Variants in AK3 observed in about 807,000 individuals in gnomAD.
AK3 encodes adenylate kinase 3, also known as GTP:AMP phosphotransferase AK3, mitochondrial.
A neutral mutation model predicts 23.7 loss-of-function variants in AK3; 27 were observed. That is an observed-to-expected ratio of 1.14 (90% confidence interval 0.84 to 1.57). The LOEUF (loss-of-function observed/expected upper bound fraction) is 1.57, where lower values mean the gene tolerates loss of function less well. Among genes scored for constraint, AK3 ranks in the 40% most tolerant of loss-of-function variants. AK3 has a pLI of 0.00. For missense variants in AK3, 406 were observed against 285.6 expected, an observed-to-expected ratio of 1.42 and a Z score of -3.04; for synonymous variants, 159 against 116.0, an observed-to-expected ratio of 1.37 and a Z score of -2.38.
At chr9:4,740,662 A>T (rs74676323) in intron 1 of AK3, among the ~76,000 whole-genome samples, 1,889 of 152,230 alleles carry the variant, frequency 0.012, 54 homozygotes, top group African/African-American at 0.043. Flanking sequence ...CCTCTGAAAC[A>T]AAGCCCGGTG....
intron 1 of AK3, among the ~76,000 whole-genome samples, chr9:4,732,037 C>G (rs1424267851): frequency 1.3e-5 from 2 of 152,164 alleles, no homozygotes; most frequent in Admixed American, 1.3e-4. Flanking sequence ...GCAGCCTCGA[C>G]GTGCTGGGTC....
intron 1 of AK3, among the ~76,000 whole-genome samples, chr9:4,732,669 T>C (rs1295456325): frequency 6.6e-6 from 1 of 152,178 alleles, no homozygotes; most frequent in Non-Finnish European, 1.5e-5. Context: ...TCCTAAAACA[T>C]GGAGACATTA....
In AK3 at chr9:4,711,476, G is replaced by A. The variant is rs923341070; in HGVS notation, c.*1500C>T. 2 of 152,460 alleles carry A rather than the reference G, an allele frequency of 1.3e-5. No individual in the cohort carries two copies. The highest frequency in any genetic ancestry group is 6.6e-5 in the Admixed American group (1 of 15,264). 9.4% of individuals were successfully genotyped at this position (152,460 alleles called of 1,614,324 possible). On this transcript the variant is annotated 3_prime_UTR_variant, in exon 5 of 5. Transcript: ENST00000381809. ...AAACCTTGGTTCATCTTGAAAGATC[G>A]ATGAATTTTTTAAATATCAGAAGAA... is the stretch of plus-strand genomic sequence containing the variant.
intron 1 of AK3, among the ~76,000 whole-genome samples, chr9:4,739,781 A>G (rs1842381428): frequency 6.6e-6 from 1 of 152,090 alleles, no homozygotes; most frequent in African/African-American, 2.4e-5. Flanking sequence ...AATACAAAAA[A>G]TTAGCCCGGC....
chr9:4,723,396 A>G (rs955048452), intron 1 of AK3, among the ~76,000 whole-genome samples: 5 of 152,176 alleles, frequency 3.3e-5, no homozygotes, highest in Non-Finnish European at 5.9e-5. Flanking sequence ...ATCCTGTAAA[A>G]CAGGTGCTGC....
chr9:4,739,730 G>C, intron 1 of AK3, among the ~76,000 whole-genome samples: 1 of 152,030 alleles, frequency 6.6e-6, no homozygotes, highest in Non-Finnish European at 1.5e-5. Context: ...AGGAGATGGG[G>C]ACCAGCCTGG....
upstream of AK3, chr9:4,741,381 G>T (rs887003499): frequency 1.3e-5 from 4 of 306,022 alleles, no homozygotes; most frequent in African/African-American, 2.2e-5. Flanking sequence ...GCGCTCGCTC[G>T]GCCGCCCAGC....
intron 1 of AK3, among the ~76,000 whole-genome samples, chr9:4,734,838 A>G (rs561598343): frequency 6.6e-6 from 1 of 152,346 alleles, no homozygotes; most frequent in South Asian, 2.1e-4. Flanking sequence ...ATGAAGTAGT[A>G]AACATGCTAT....
At chr9:4,732,185 G>C (rs978432370) in intron 1 of AK3, among the ~76,000 whole-genome samples, 1 of 152,276 alleles carries the variant, frequency 6.6e-6, no homozygotes, top group African/African-American at 2.4e-5. Flanking sequence ...CTGGGCTTAA[G>C]TGATCCTCCC....
chr9:4,728,903 T>TTA (rs1288944035), intron 1 of AK3, among the ~76,000 whole-genome samples: 2 of 131,476 alleles, frequency 1.5e-5, no homozygotes, highest in South Asian at 4.7e-4. Context: ...ATACACATAC[T>TTA]TATATATATA....
Position 4,740,955 on chromosome 9 carries a change from T to C in AK3, c.133A>G (p.Asn45Asp). The change falls in exon 1 of 5, where the codon AAC (asparagine) becomes GAC (aspartate). Residue 45 changes from asparagine to aspartate, a missense_variant. By Grantham distance (23) the Asn-to-Asp change is conservative (BLOSUM62 1). Coordinates refer to ENST00000381809, the MANE Select transcript of AK3 (RefSeq NM_016282.4). Reference protein sequence around the residue: ...HLSSGDLLRDNMLRGTEIGVL... With the variant: ...HLSSGDLLRDDMLRGTEIGVL... Reference sequence around the variant, plus strand: ...CTCCCACCTGTGCCCCGCAGCATGTTGTCCCGGAGCAGGTCCCCGCTGGAG... The same window carrying C: ...CTCCCACCTGTGCCCCGCAGCATGTCGTCCCGGAGCAGGTCCCCGCTGGAG... The C allele has an allele frequency of 6.3e-7, 1 of 1,574,842 alleles. No homozygotes were observed. Among genetic ancestry groups the C allele is most frequent in the Non-Finnish European group, 8.6e-7 (1 of 1,162,866 alleles).
At chr9:4,737,487 A>G (rs1057502344) in intron 1 of AK3, among the ~76,000 whole-genome samples, 4 of 152,318 alleles carry the variant, frequency 2.6e-5, no homozygotes, top group Admixed American at 1.3e-4. Flanking sequence ...CTGAGAGGCC[A>G]AGGCGGTTGG....
At chr9:4,725,309 G>T (rs1019108958) in intron 1 of AK3, among the ~76,000 whole-genome samples, 1 of 151,630 alleles carries the variant, frequency 6.6e-6, no homozygotes, top group Non-Finnish European at 1.5e-5. Flanking sequence ...GAGCCACTGC[G>T]TCCAGCCTAA....
At position 4,710,399 on chromosome 9, in the gene AK3, T is replaced by G. The variant is rs1841526595; in HGVS notation, c.*2577A>C. 1 of 146,300 alleles carries G rather than the reference T, an allele frequency of 6.8e-6. No homozygotes were observed. Among genetic ancestry groups the G allele is most frequent in the Non-Finnish European group, 1.5e-5 (1 of 65,534 alleles). The allele number at this position is 146,300 out of a possible 1,614,324, so 9.1% of individuals were successfully genotyped here. On this transcript the variant is annotated 3_prime_UTR_variant, in exon 5 of 5. Transcript: ENST00000381809. ...ATTTTTTTTTTTTTTTTTTGTATTT[T>G]TAGTAGAGACGGGGTTTCACCGTGT...
intron 1 of AK3, among the ~76,000 whole-genome samples, chr9:4,729,753 G>C (rs1842111184): frequency 2.0e-5 from 3 of 151,600 alleles, no homozygotes; most frequent in African/African-American, 7.3e-5. Flanking sequence ...CTTGGGTGCA[G>C]GAGTTCAAGG....
At chr9:4,727,065 T>A (rs1842037196) in intron 1 of AK3, among the ~76,000 whole-genome samples, 1 of 152,208 alleles carries the variant, frequency 6.6e-6, no homozygotes, top group Non-Finnish European at 1.5e-5. Context: ...AAATAGTCAG[T>A]AAACCATGCT....
At chr9:4,713,244 G>T in intron 4 of AK3, 148 bp from the exon 5 acceptor site, 1 of 1,071,992 alleles carries the variant, frequency 9.3e-7, no homozygotes, top group Non-Finnish European at 1.3e-6. Flanking sequence ...AAGGCACTTG[G>T]CTGGGCATTG....
intron 1 of AK3, among the ~76,000 whole-genome samples, chr9:4,732,508 T>A (rs147729995): frequency 1.8e-3 from 275 of 152,198 alleles, no homozygotes; most frequent in Non-Finnish European, 3.4e-3. Context: ...GTTAACAAAT[T>A]TGGGCACTTC....
In AK3 at chr9:4,719,117, T is replaced by G. The variant is rs376491180; in HGVS notation, c.444+18A>C. 18 of 1,611,532 alleles carry G rather than the reference T, an allele frequency of 1.1e-5. No individual in the cohort carries two copies. The highest frequency in any genetic ancestry group is 5.0e-5 in the Admixed American group (3 of 59,966). On this transcript the variant is annotated intron_variant, in intron 3 of 4. Transcript: ENST00000381809. ...CAGGGACAGTCTGCTATGTGACAGT[T>G]CCACAACAACTACTCACCACAGTTT...
Sources: allele counts gnomAD v4.1 joint callset (sites outside exome capture counted in the v4.1 genomes callset), GRCh38; gene constraint gnomAD v4.1.1; transcripts MANE v1.5; gene names NCBI Gene and HGNC (gene_info 2026-07-23, HGNC 2026-07-21).